MDGA2: variants seen among roughly 807,000 people sequenced by gnomAD.
The protein encoded by MDGA2 is MAM domain-containing glycosylphosphatidylinositol anchor protein 2.
Under a neutral mutation model 117.8 loss-of-function variants are expected in MDGA2, and 40 were observed. The observed-to-expected ratio is 0.34, with a 90% CI of 0.26 to 0.44. The LOEUF (loss-of-function observed/expected upper bound fraction) is 0.44. MDGA2 is among the 20% of genes least tolerant of loss of function. The pLI is 1.00. For synonymous variants in MDGA2, 452 were observed against 439.0 expected (o/e 1.03, Z -0.37); for missense variants, 1,123 against 1,250.6 (o/e 0.90, Z 1.54).
chr14:47,607,861 A>C (rs1312906417), intron 1 of MDGA2, among the ~76,000 whole-genome samples: 3 of 152,188 alleles, frequency 2.0e-5, no homozygotes, highest in Admixed American at 6.6e-5. Context: ...TGTGTATATT[A>C]GAAATGGCCT....
At position 46,987,940 on chromosome 14, in the gene MDGA2, G is replaced by A. The variant is rs760276998; in HGVS notation, c.1820-30297C>T. 1.4e-3 allele frequency among the ~76,000 whole-genome samples: 207 copies of A among 150,834 alleles called. 2 individuals carry two copies. Among genetic ancestry groups the A allele is most frequent in the Non-Finnish European group, 2.5e-3 (167 of 67,740 alleles). ...AATATTCTGGGGTGGGGGGGGGTGC[G>A]CGCGTGTGTGTATGTTGTAATTTGC... On this transcript the variant is annotated intron_variant, in intron 8 of 16. Transcript: ENST00000399232.
intron 14 of MDGA2, among the ~76,000 whole-genome samples, chr14:46,868,159 A>G (rs1428516453): frequency 1.3e-5 from 2 of 151,974 alleles, no homozygotes; most frequent in African/African-American, 4.8e-5. Context: ...GGTCAGTGTG[A>G]TAAACATTAT....
chr14:47,411,890 A>G (rs1219342133), intron 1 of MDGA2, among the ~76,000 whole-genome samples: 2 of 152,208 alleles, frequency 1.3e-5, no homozygotes, highest in African/African-American at 2.4e-5. Context: ...ATGGAGTGCT[A>G]TGTGCCAGAT....
chr14:47,561,146 T>G (rs1566515803), intron 1 of MDGA2, among the ~76,000 whole-genome samples: 5 of 88,066 alleles, frequency 5.7e-5, no homozygotes, highest in African/African-American at 1.1e-4. Context: ...TCTTTGTTTT[T>G]TTTTTTGTTT....
intron 2 of MDGA2, among the ~76,000 whole-genome samples, chr14:47,297,857 T>C (rs1889130059): frequency 6.6e-6 from 1 of 152,164 alleles, no homozygotes; most frequent in African/African-American, 2.4e-5. Flanking sequence ...CTTATTTTCA[T>C]ACCTACACAT....
At chr14:47,464,573 C>G (rs994708963) in intron 1 of MDGA2, among the ~76,000 whole-genome samples, 1 of 152,018 alleles carries the variant, frequency 6.6e-6, no homozygotes, top group Non-Finnish European at 1.5e-5. Context: ...AAGGCAATCC[C>G]ATTCATAATT....
chr14:47,074,251 A>G (rs886332304), intron 6 of MDGA2, among the ~76,000 whole-genome samples: 3 of 152,110 alleles, frequency 2.0e-5, no homozygotes, highest in Admixed American at 2.0e-4. Context: ...AGTAATATAT[A>G]AATCACTCAC....
At chr14:47,052,510 A>G (rs1889494399) in intron 7 of MDGA2, among the ~76,000 whole-genome samples, 1 of 151,910 alleles carries the variant, frequency 6.6e-6, no homozygotes, top group Non-Finnish European at 1.5e-5. Flanking sequence ...ATAGTAATAC[A>G]GATTCAATTT....
chr14:47,231,289 A>G (rs548685824), intron 2 of MDGA2, among the ~76,000 whole-genome samples: 1 of 152,068 alleles, frequency 6.6e-6, no homozygotes, highest in African/African-American at 2.4e-5. Flanking sequence ...CCTAAGAGTC[A>G]CATTAACTAA....
At chr14:47,288,421 T>G (rs1888763903) in intron 2 of MDGA2, among the ~76,000 whole-genome samples, 1 of 152,166 alleles carries the variant, frequency 6.6e-6, no homozygotes, top group Admixed American at 6.6e-5. Context: ...GTCAATTTGA[T>G]ACCATATTGC....
Position 47,648,501 on chromosome 14 carries a change from T to C in MDGA2, c.280+26016A>G, listed in dbSNP as rs569797646. On this transcript the variant is annotated intron_variant, in intron 1 of 16. Coordinates refer to ENST00000399232, the MANE Select transcript of MDGA2 (RefSeq NM_001113498.3). ...AGCCTGCTATATACATAATGTCTAATAATGATTTGCTCAAAGAACGATCGT... is the reference window on the plus strand; with the variant it reads ...AGCCTGCTATATACATAATGTCTAACAATGATTTGCTCAAAGAACGATCGT... 6.8e-4 allele frequency among the ~76,000 whole-genome samples: 104 copies of C among 152,212 alleles called. 1 individual carries two copies. Among genetic ancestry groups the C allele is most frequent in the African/African-American group, 2.5e-3 (102 of 41,568 alleles).
chr14:47,344,417 CCTTAAA>C (rs1280156999), intron 1 of MDGA2, among the ~76,000 whole-genome samples: 2 of 152,032 alleles, frequency 1.3e-5, no homozygotes, highest in East Asian at 3.9e-4. Flanking sequence ...TTGATTCTTC[CCTTAAA>C]CACTAGTTTG....
intron 8 of MDGA2, among the ~76,000 whole-genome samples, chr14:47,007,853 A>T (rs570511928): frequency 6.6e-5 from 10 of 151,972 alleles, no homozygotes; most frequent in Admixed American, 3.3e-4. Context: ...TTCCTTTGCT[A>T]GAATTATATT....
At chr14:46,994,962 T>C (rs1887233062) in intron 8 of MDGA2, among the ~76,000 whole-genome samples, 1 of 152,132 alleles carries the variant, frequency 6.6e-6, no homozygotes, top group Non-Finnish European at 1.5e-5. Flanking sequence ...AGTATCATTC[T>C]TGTGGATACA....
Position 47,006,203 on chromosome 14 carries a change from A to G in MDGA2, c.1819+28808T>C, listed in dbSNP as rs550915473. The stretch of plus-strand genomic sequence containing the variant: ...GTGTTGAGCATACATTGCAAGGACT[A>G]TTATGGTCAGTTAATCTCAGGTATC... On this transcript the variant is annotated intron_variant, in intron 8 of 16. Transcript: ENST00000399232. Among the ~76,000 whole-genome samples, 9 of 151,268 alleles carry G rather than the reference A, an allele frequency of 5.9e-5. No individual in the cohort carries two copies. In the East Asian group the frequency reaches 9.7e-4, roughly 16 times the overall value.
At chr14:46,856,684 T>C (rs1210385562) in intron 14 of MDGA2, among the ~76,000 whole-genome samples, 1 of 152,112 alleles carries the variant, frequency 6.6e-6, no homozygotes, top group Non-Finnish European at 1.5e-5. Flanking sequence ...TTGATGTGTT[T>C]ATACTTAAAT....
intron 1 of MDGA2, among the ~76,000 whole-genome samples, chr14:47,346,319 G>C (rs187955745): frequency 6.6e-6 from 1 of 151,998 alleles, no homozygotes; most frequent in Non-Finnish European, 1.5e-5. Flanking sequence ...TCCAATAAGC[G>C]GTAACTATTA....
At chr14:47,365,538 A>T (rs1187972566) in intron 1 of MDGA2, among the ~76,000 whole-genome samples, 1 of 152,276 alleles carries the variant, frequency 6.6e-6, no homozygotes, top group Non-Finnish European at 1.5e-5. Context: ...GGAAAGGCCT[A>T]GACAGCTCAG....
intron 1 of MDGA2, among the ~76,000 whole-genome samples, chr14:47,562,214 T>G (rs2138802485): frequency 6.6e-6 from 1 of 152,220 alleles, no homozygotes; most frequent in Non-Finnish European, 1.5e-5. Flanking sequence ...GTCTGCCAGG[T>G]TTTGGTATCA....
Sources: gnomAD v4.1 joint callset for allele counts (sites outside exome capture counted in the v4.1 genomes callset) on GRCh38, gnomAD v4.1.1 for gene constraint, MANE v1.5 for transcripts, NCBI Gene and HGNC (gene_info 2026-07-23, HGNC 2026-07-21) for gene names.